The following RBM14 variants were observed in gnomAD, a reference collection of about 807,000 sequenced individuals.
RBM14 encodes the protein RNA-binding protein 14.
RBM14 carries 5 observed loss-of-function variants against 52.8 expected under a neutral mutation model. The observed-to-expected ratio is 0.09, with a 90% CI of 0.05 to 0.20. RBM14 has a LOEUF of 0.20. Among genes scored for constraint, RBM14 ranks in the 10% least tolerant of loss-of-function variants. RBM14 has a pLI of 1.00. For missense variants in RBM14, 780 were observed against 926.6 expected (o/e 0.84, Z 2.05); for synonymous variants, 411 against 401.8 (o/e 1.02, Z -0.28).
chr11:66,619,028 G>GT (rs1858974806), intron 1 of RBM14: 2 of 159,152 alleles, frequency 1.3e-5, no homozygotes, highest in Admixed American at 6.4e-5. Flanking sequence ...ACATTGTTGT[G>GT]TAACAGAGCT....
chr11:66,625,791 ATT>A lies in RBM14; in HGVS notation c.1802+117_1802+118del, dbSNP rs1937775396. 1.2e-6 allele frequency: 1 copy of A among 823,504 alleles called. No homozygotes were observed. Among genetic ancestry groups the A allele is most frequent in the South Asian group, 1.8e-5 (1 of 55,338 alleles). The allele number at this position is 823,504 out of a possible 1,614,324, so 51.0% of individuals were successfully genotyped here. A position where few individuals can be genotyped will look rare whatever the true frequency, so the allele number is the denominator to read the frequency against. On this transcript the variant is annotated intron_variant, in intron 2 of 2. Transcript: ENST00000310137. This position sits in a 1 kb window ranked among gnomAD's most constrained non-coding sequence, Gnocchi z 4.2. Reference sequence around the variant, plus strand: ...CCCCTCCCTCGGTCTTCTCTTCTCTATTTTTGTGGGATGTCCAGAGGCCGAGG... The same window carrying A: ...CCCCTCCCTCGGTCTTCTCTTCTCTATTTGTGGGATGTCCAGAGGCCGAGG...
chr11:66,620,223 GCTTAGAAA>G (rs1317785775), intron 1 of RBM14, among the ~76,000 whole-genome samples: 1 of 152,124 alleles, frequency 6.6e-6, no homozygotes, highest in Non-Finnish European at 1.5e-5. Flanking sequence ...CCAGTGTCAG[GCTTAGAAA>G]CTTCCTGATA....
rs1158139220 is a variant in RBM14, at chr11:66,625,888, A to G, written c.1802+210A>G. ...AGCATAGTGCTCAGCCTGGGGTGGT[A>G]CCTGCTAGTCAGGCCAGGCACAGTG... On this transcript the variant is annotated intron_variant, in intron 2 of 2. Transcript: ENST00000310137. The surrounding 1 kb of genome is among the most constrained non-coding windows in gnomAD (Gnocchi z 4.2). Among the ~76,000 whole-genome samples, 1 of 152,180 alleles carries G rather than the reference A, an allele frequency of 6.6e-6. No individual in the cohort carries two copies. The highest frequency in any genetic ancestry group is 1.5e-5 in the Non-Finnish European group (1 of 68,030).
chr11:66,624,175 C>T lies in RBM14; in HGVS notation c.338-39C>T, dbSNP rs1189303032. On this transcript the variant is annotated intron_variant, in intron 1 of 2. Transcript: ENST00000310137. The surrounding 1 kb of genome is among the most constrained non-coding windows in gnomAD (Gnocchi z 4.7). Reference sequence around the variant, plus strand: ...GGGACCCATCAGGTAGCATGCCCTGCCCCCCTAATTGCTAACCCTCTGTCT... The same window carrying T: ...GGGACCCATCAGGTAGCATGCCCTGTCCCCCTAATTGCTAACCCTCTGTCT... 6.5e-7 allele frequency: 1 copy of T among 1,544,580 alleles called. No individual in the cohort carries two copies. The highest frequency in any genetic ancestry group is 8.7e-7 in the Non-Finnish European group (1 of 1,143,448).
chr11:66,621,758 A>G (rs1859122962), intron 1 of RBM14, among the ~76,000 whole-genome samples: 1 of 152,172 alleles, frequency 6.6e-6, no homozygotes, highest in East Asian at 1.9e-4. Flanking sequence ...ATAATATTCT[A>G]TAGGGAAATA....
In RBM14 at chr11:66,626,450, C is replaced by T. The variant is rs1565072841; in HGVS notation, c.1803-11C>T. Reference sequence around the variant, plus strand: ...TGTCTCATTCACCAACTGTCTTCTTCTCTCGACTAGGTATGGTTCCGACCG... The same window carrying T: ...TGTCTCATTCACCAACTGTCTTCTTTTCTCGACTAGGTATGGTTCCGACCG... On this transcript the variant is annotated splice_polypyrimidine_tract_variant and intron_variant, in intron 2 of 2. Coordinates refer to ENST00000310137, the MANE Select transcript of RBM14 (RefSeq NM_006328.4). 2.5e-6 allele frequency: 4 copies of T among 1,608,370 alleles called. No individual in the cohort carries two copies. Among genetic ancestry groups the T allele is most frequent in the Middle Eastern group, 1.6e-4 (1 of 6,066 alleles).
chr11:66,625,115 G>C lies in RBM14; in HGVS notation c.1239G>C (p.Gln413His), dbSNP rs772145703. ...NAQPSASYNA[Q>H]SAPYAAQQAA... The stretch of plus-strand genomic sequence containing the variant: ...AGCCCTCGGCCTCTTACAATGCCCA[G>C]TCTGCCCCATATGCTGCACAGCAGG... The change falls in exon 2 of 3, where the codon CAG (glutamine) becomes CAC (histidine). Residue 413 changes from glutamine (Q) to histidine (H), a missense_variant. By Grantham distance (24) the Gln-to-His change is conservative. Transcript: ENST00000310137. The surrounding 1 kb of genome is among the most constrained non-coding windows in gnomAD (Gnocchi z 4.2). 6.2e-7 allele frequency: 1 copy of C among 1,613,278 alleles called. No homozygotes were observed. Among genetic ancestry groups the C allele is most frequent in the Admixed American group, 1.7e-5 (1 of 60,010 alleles).
rs1437328869 is a variant in RBM14 at position 66,629,026 on chromosome 11, C to G, written c.*2358C>G. 6.6e-6 allele frequency among the ~76,000 whole-genome samples: 1 copy of G among 152,170 alleles called. No homozygotes were observed. Among genetic ancestry groups the G allele is most frequent in the Non-Finnish European group, 1.5e-5 (1 of 68,022 alleles). ...CCCTCAGGCTCCTAACTGCTCAAGCCAGAAGGAGCTACAAAGCCAAATCAT... is the reference window on the plus strand; with the variant it reads ...CCCTCAGGCTCCTAACTGCTCAAGCGAGAAGGAGCTACAAAGCCAAATCAT... On this transcript the variant is annotated 3_prime_UTR_variant, in exon 3 of 3. Transcript: ENST00000310137.
At chr11:66,617,269 G>T in intron 1 of RBM14, 1 of 1,378,548 alleles carries the variant, frequency 7.3e-7, no homozygotes, top group Admixed American at 3.2e-5. Context: ...GCGGCTCTGG[G>T]TGGGTGCGGC....
intron 1 of RBM14, among the ~76,000 whole-genome samples, chr11:66,622,215 T>C (rs470300): frequency 0.91 from 138,398 of 151,616 alleles, 63,351 homozygotes; most frequent in South Asian, 0.96. Context: ...CGTGCTTGGC[T>C]AGTTTCTTTT....
chr11:66,621,310 C>G (rs955545417), intron 1 of RBM14, among the ~76,000 whole-genome samples: 2 of 152,032 alleles, frequency 1.3e-5, no homozygotes, highest in African/African-American at 4.8e-5. Context: ...AAACACGTAG[C>G]TTTTCACAGG....
chr11:66,623,206 G>A (rs1282226972), intron 1 of RBM14, among the ~76,000 whole-genome samples: 4 of 152,182 alleles, frequency 2.6e-5, no homozygotes, highest in Admixed American at 6.5e-5. Context: ...AGTCTGCTCT[G>A]TGAACAGAAG....
At position 66,624,421 on chromosome 11, in the gene RBM14, C is replaced by G. The variant is rs1481345285; in HGVS notation, c.545C>G (p.Ser182Cys). The change falls in exon 2 of 3, where the codon TCT becomes TGT. Residue 182 changes from serine to cysteine, a missense_variant. Physicochemically the swap from Ser to Cys is moderately radical, Grantham distance 112. Transcript: ENST00000310137. The surrounding 1 kb of genome is among the most constrained non-coding windows in gnomAD (Gnocchi z 4.7). ...DTAFPGTGGF[S>C]ATFDYQQAFG... The stretch of plus-strand genomic sequence containing the variant: ...GCCTTCCCTGGAACTGGTGGCTTCT[C>G]TGCCACCTTCGACTACCAGCAGGCT... 4.3e-6 allele frequency: 7 copies of G among 1,614,036 alleles called. No homozygotes were observed. The East Asian group carries it at 1.6e-4, about 36-fold the overall frequency.
rs1352943341 is a variant in RBM14, at chr11:66,625,839, T to A, written c.1802+161T>A. The A allele has an allele frequency of 1.6e-6, 1 of 630,006 alleles. No homozygotes were observed. Among genetic ancestry groups the A allele is most frequent in the East Asian group, 2.8e-5 (1 of 35,798 alleles). The allele number at this position is 630,006 out of a possible 1,614,324, so 39.0% of individuals were successfully genotyped here. A position where few individuals can be genotyped will look rare whatever the true frequency, so the allele number is the denominator to read the frequency against. On this transcript the variant is annotated intron_variant, in intron 2 of 2. Transcript: ENST00000310137. The surrounding 1 kb of genome is among the most constrained non-coding windows in gnomAD (Gnocchi z 4.2). ...CGAGGGGAGCAGTGTCTATGAACTTTCCTGGTCACCAGGGTTCAGGTGGAG... is the reference window on the plus strand; with the variant it reads ...CGAGGGGAGCAGTGTCTATGAACTTACCTGGTCACCAGGGTTCAGGTGGAG...
Position 66,626,482 on chromosome 11 carries a change from A to G in RBM14, c.1824A>G (p.Leu608=). The G allele has an allele frequency of 1.9e-6, 3 of 1,613,700 alleles. No homozygotes were observed. The highest frequency in any genetic ancestry group is 2.5e-6 in the Non-Finnish European group (3 of 1,179,934). ...CTAGGTATGGTTCCGACCGGCGTTT[A>G]GCCGAGCTCTCTGATTACCGCCGTT... is the stretch of plus-strand genomic sequence containing the variant. ...MSKRYGSDRR[L]AELSDYRRLS... is the part of the protein sequence containing the mutation. The change falls in exon 3 of 3, where the codon TTA becomes TTG. Residue 608 remains leucine (L), a synonymous_variant. Transcript: ENST00000310137.
rs909513011 is a variant in RBM14 at position 66,628,233 on chromosome 11, T to TA, written c.*1568dup. ...ATGGAGGCTTGGGCTTAGTGATGGGTAAATGGAAGACTGGTTGAGTGGGAT... is the reference window on the plus strand; with the variant it reads ...ATGGAGGCTTGGGCTTAGTGATGGGTAAAATGGAAGACTGGTTGAGTGGGAT... On this transcript the variant is annotated 3_prime_UTR_variant, in exon 3 of 3. Transcript: ENST00000310137. Among the ~76,000 whole-genome samples, 1 of 152,090 alleles carries TA rather than the reference T, an allele frequency of 6.6e-6. No individual in the cohort carries two copies. Among genetic ancestry groups the TA allele is most frequent in the African/African-American group, 2.4e-5 (1 of 41,400 alleles).
At chr11:66,617,211 C>A in intron 1 of RBM14, 154 bp downstream of exon 1, 1 of 1,431,910 alleles carries the variant, frequency 7.0e-7, no homozygotes, top group Non-Finnish European at 9.1e-7. Flanking sequence ...TTGGGTAGAG[C>A]CACCCTCCTC....
At position 66,626,669 on chromosome 11, in the gene RBM14, G is replaced by A; in HGVS notation, c.*1G>A. On this transcript the variant is annotated 3_prime_UTR_variant, in exon 3 of 3. Coordinates refer to ENST00000310137, the MANE Select transcript of RBM14 (RefSeq NM_006328.4). ...CTCTGGCTACCAGCGCCGCATGTAGGGCCATCCTGGGATGGGGCACCACAG... is the reference window on the plus strand; with the variant it reads ...CTCTGGCTACCAGCGCCGCATGTAGAGCCATCCTGGGATGGGGCACCACAG... 1 of 1,600,468 alleles carries A rather than the reference G, an allele frequency of 6.2e-7. No homozygotes were observed. Among genetic ancestry groups the A allele is most frequent in the South Asian group, 1.1e-5 (1 of 90,036 alleles).
rs536893364 is a variant in RBM14, at chr11:66,624,800, C to G, written c.924C>G (p.Ala308=). The G allele has an allele frequency of 6.2e-7, 1 of 1,613,944 alleles. No homozygotes were observed. The highest frequency in any genetic ancestry group is 8.5e-7 in the Non-Finnish European group (1 of 1,179,988). Residue 308 remains alanine (A), a synonymous_variant, in exon 2 of 3, where the codon GCC becomes GCG. Coordinates refer to ENST00000310137, the MANE Select transcript of RBM14 (RefSeq NM_006328.4). The surrounding 1 kb of genome is among the most constrained non-coding windows in gnomAD (Gnocchi z 4.7). ...AASSLGPYGG[A]QPSASALSSY... The stretch of plus-strand genomic sequence containing the variant: ...CTTCACTCGGCCCATATGGTGGAGC[C>G]CAGCCCTCAGCCTCGGCCCTTTCCT...
Sources: gnomAD v4.1 joint callset for allele counts (sites outside exome capture counted in the v4.1 genomes callset) on GRCh38, gnomAD v4.1.1 for gene constraint, Gnocchi (gnomAD v3.1) non-coding constraint, MANE v1.5 for transcripts, NCBI Gene and HGNC (gene_info 2026-07-23, HGNC 2026-07-21) for gene names.